ALKBH8: variants seen among roughly 807,000 people sequenced by gnomAD.
ALKBH8 encodes the protein alkB homolog 8, tRNA methyltransferase, also known as tRNA (carboxymethyluridine(34)-5-O)-methyltransferase ALKBH8.
ALKBH8 carries 36 observed loss-of-function variants against 59.8 expected under a neutral mutation model. The observed-to-expected ratio is 0.60, with a 90% CI of 0.46 to 0.79. The LOEUF (loss-of-function observed/expected upper bound fraction) is 0.79. ALKBH8 is among the 30% of genes least tolerant of loss of function. ALKBH8 has a pLI of 0.00. For synonymous variants in ALKBH8, 276 were observed against 273.6 expected (o/e 1.01, Z -0.09); for missense variants, 768 against 801.0 (o/e 0.96, Z 0.50).
intron 10 of ALKBH8, among the ~76,000 whole-genome samples, chr11:107,520,662 C>T (rs1190001034): frequency 6.6e-6 from 1 of 152,194 alleles, no homozygotes; most frequent in Non-Finnish European, 1.5e-5. Flanking sequence ...TCTATTTCCT[C>T]TTCAACATGA....
At chr11:107,534,065 G>C (rs1248964430) in intron 7 of ALKBH8, among the ~76,000 whole-genome samples, 1 of 152,136 alleles carries the variant, frequency 6.6e-6, no homozygotes, top group Non-Finnish European at 1.5e-5. Context: ...AGGAGGCGGA[G>C]GTTGCAGGGA....
intron 10 of ALKBH8, among the ~76,000 whole-genome samples, chr11:107,517,272 C>T (rs527555215): frequency 2.0e-4 from 31 of 152,088 alleles, no homozygotes; most frequent in East Asian, 1.7e-3. Flanking sequence ...TAACAAACGG[C>T]GTTGAGGATG....
intron 1 of ALKBH8, among the ~76,000 whole-genome samples, chr11:107,561,559 T>C (rs1273349525): frequency 1.3e-5 from 2 of 152,244 alleles, no homozygotes; most frequent in Non-Finnish European, 2.9e-5. Context: ...ATGTGTCATA[T>C]ATTTTATATC....
intron 8 of ALKBH8, among the ~76,000 whole-genome samples, chr11:107,529,661 T>G (rs747477499): frequency 2.7e-5 from 4 of 147,294 alleles, no homozygotes; most frequent in Admixed American, 6.6e-5. Context: ...CACGCCACTA[T>G]GCCTGGCTAA....
intron 8 of ALKBH8, among the ~76,000 whole-genome samples, chr11:107,527,036 T>C (rs190203732): frequency 7.9e-5 from 12 of 152,116 alleles, no homozygotes; most frequent in Admixed American, 3.3e-4. Context: ...GTTTTGACAA[T>C]CACATTTCCT....
At chr11:107,550,964 CA>C (rs1229493838) in intron 6 of ALKBH8, among the ~76,000 whole-genome samples, 1 of 151,858 alleles carries the variant, frequency 6.6e-6, no homozygotes, top group Non-Finnish European at 1.5e-5. Context: ...TTGTTTAAGC[CA>C]AAAAAAGTAA....
Position 107,504,501 on chromosome 11 carries a change from A to G in ALKBH8, c.*157T>C, listed in dbSNP as rs759157981. ...GATGTCAGCCAACAGGAGACATTTGAATGTCTCCTAATGAATCCCTACTTC... is the reference window on the plus strand; with the variant it reads ...GATGTCAGCCAACAGGAGACATTTGGATGTCTCCTAATGAATCCCTACTTC... On this transcript the variant is annotated 3_prime_UTR_variant, in exon 12 of 12. Coordinates refer to ENST00000428149, the MANE Select transcript of ALKBH8 (RefSeq NM_138775.3). The G allele has an allele frequency of 1.4e-5, 12 of 858,922 alleles. No homozygotes were observed. The South Asian group carries it at 1.7e-4, about 12-fold the overall frequency. The allele number at this position is 858,922 out of a possible 1,614,324, so 53.2% of individuals were successfully genotyped here.
chr11:107,551,850 T>C lies in ALKBH8; in HGVS notation c.658A>G (p.Lys220Glu). Reference protein sequence around the residue: ...KWLRKGYIKHKPDQMTINQYE... With the variant: ...KWLRKGYIKHEPDQMTINQYE... ...TGATTTATGGTCATTTGATCAGGTTTATGTTTAATGTAACCTTTCCTCAAC... is the reference window on the plus strand; with the variant it reads ...TGATTTATGGTCATTTGATCAGGTTCATGTTTAATGTAACCTTTCCTCAAC... Residue 220 changes from lysine (K) to glutamate (E), a missense_variant, in exon 6 of 12, where the codon AAA (lysine) becomes GAA (glutamate). Physicochemically the swap from Lys to Glu is moderately conservative, Grantham distance 56. Coordinates refer to ENST00000428149, the MANE Select transcript of ALKBH8 (RefSeq NM_138775.3). 1 of 1,556,654 alleles carries C rather than the reference T, an allele frequency of 6.4e-7. No homozygotes were observed. Among genetic ancestry groups the C allele is most frequent in the Non-Finnish European group, 8.6e-7 (1 of 1,157,958 alleles).
intron 11 of ALKBH8, among the ~76,000 whole-genome samples, chr11:107,507,174 G>A (rs1393324211): frequency 6.6e-6 from 1 of 152,116 alleles, no homozygotes. Flanking sequence ...AGAGAACTAA[G>A]ATACATACAA....
At chr11:107,524,802 C>T (rs590334) in intron 9 of ALKBH8, among the ~76,000 whole-genome samples, 6,516 of 152,010 alleles carry the variant, frequency 0.043, 480 homozygotes, top group African/African-American at 0.15. Flanking sequence ...ATAATTAAAA[C>T]CCCCAAGATA....
intron 10 of ALKBH8, among the ~76,000 whole-genome samples, chr11:107,516,596 T>C (rs1862872867): frequency 6.6e-6 from 1 of 152,084 alleles, no homozygotes; most frequent in Non-Finnish European, 1.5e-5. Flanking sequence ...AAAGCAAAAA[T>C]ATACAAATGG....
intron 3 of ALKBH8, among the ~76,000 whole-genome samples, chr11:107,556,310 A>G (rs1864709501): frequency 6.6e-6 from 1 of 152,146 alleles, no homozygotes; most frequent in South Asian, 2.1e-4. Flanking sequence ...ATAAATAAAA[A>G]TAAAGTTTTA....
intron 11 of ALKBH8, among the ~76,000 whole-genome samples, chr11:107,508,453 G>A (rs1045414742): frequency 5.9e-5 from 9 of 152,162 alleles, no homozygotes; most frequent in African/African-American, 1.7e-4. Flanking sequence ...GATGACAGGC[G>A]TGAGCCACGA....
At chr11:107,543,531 T>A (rs1298018998) in intron 7 of ALKBH8, among the ~76,000 whole-genome samples, 1 of 152,216 alleles carries the variant, frequency 6.6e-6, no homozygotes, top group Non-Finnish European at 1.5e-5. Context: ...CCTGAATATT[T>A]GTTGATGATA....
chr11:107,527,482 A>G (rs560301101), intron 8 of ALKBH8, among the ~76,000 whole-genome samples: 102 of 152,112 alleles, frequency 6.7e-4, no homozygotes, highest in African/African-American at 2.3e-3. Context: ...TCAATTCTCA[A>G]CTTTCATTTT....
At chr11:107,555,588 T>C (rs1197796245) in intron 3 of ALKBH8, among the ~76,000 whole-genome samples, 1 of 152,192 alleles carries the variant, frequency 6.6e-6, no homozygotes, top group African/African-American at 2.4e-5. Flanking sequence ...ATTAAATGCA[T>C]ATGAGCACTG....
At chr11:107,509,424 G>A (rs765449379) in intron 11 of ALKBH8, among the ~76,000 whole-genome samples, 1 of 152,004 alleles carries the variant, frequency 6.6e-6, no homozygotes, top group Non-Finnish European at 1.5e-5. Context: ...TATACAATTT[G>A]CAAATATTTT....
chr11:107,522,796 A>G (rs1379247284), intron 9 of ALKBH8, among the ~76,000 whole-genome samples: 1 of 151,604 alleles, frequency 6.6e-6, no homozygotes. Context: ...ACAGAGCAAG[A>G]CGGTCTTTAA....
chr11:107,512,872 T>C (rs946789331), intron 10 of ALKBH8, among the ~76,000 whole-genome samples: 9 of 152,226 alleles, frequency 5.9e-5, no homozygotes, highest in African/African-American at 1.7e-4. Context: ...AGATTGAAAC[T>C]GTACACCTTC....
Sources: allele counts gnomAD v4.1 joint callset (sites outside exome capture counted in the v4.1 genomes callset), GRCh38; gene constraint gnomAD v4.1.1; transcripts MANE v1.5; gene names NCBI Gene and HGNC (gene_info 2026-07-23, HGNC 2026-07-21).